Variants in SLC43A2 observed in about 807,000 individuals in gnomAD.
SLC43A2 encodes the protein large neutral amino acids transporter small subunit 4.
In SLC43A2, 38 loss-of-function variants were observed where a neutral mutation model predicts 63.2. That is an observed-to-expected ratio of 0.60 (90% confidence interval 0.46 to 0.79). The LOEUF (loss-of-function observed/expected upper bound fraction) is 0.79. SLC43A2 is among the 30% of genes least tolerant of loss of function. The pLI is 0.00. For missense variants in SLC43A2, 644 were observed against 756.2 expected (o/e 0.85, Z 1.74); for synonymous variants, 322 against 331.0 (o/e 0.97, Z 0.30).
Position 1,605,378 on chromosome 17 carries a change from A to T in SLC43A2, c.501+7817T>A. The T allele has an allele frequency of 6.4e-6, 2 of 311,046 alleles. No individual in the cohort carries two copies. Among genetic ancestry groups the T allele is most frequent in the Non-Finnish European group, 9.6e-6 (2 of 208,638 alleles). 19.3% of individuals were successfully genotyped at this position (311,046 alleles called of 1,614,324 possible). ...ACCGGACAGGAGTGCCTGCAGGGCCAAGGCCCTGGGACAGTGCGGGCGCGG... is the reference window on the plus strand; with the variant it reads ...ACCGGACAGGAGTGCCTGCAGGGCCTAGGCCCTGGGACAGTGCGGGCGCGG... On this transcript the variant is annotated intron_variant, in intron 5 of 13. Transcript: ENST00000301335. The surrounding 1 kb of genome is among the most constrained non-coding windows in gnomAD (Gnocchi z 4.9).
intron 4 of SLC43A2, among the ~76,000 whole-genome samples, chr17:1,614,200 G>A (rs924947508): frequency 2.6e-5 from 4 of 152,058 alleles, no homozygotes; most frequent in South Asian, 4.1e-4. Context: ...CTGAGATTGC[G>A]CCATTGCACT....
chr17:1,603,648 G>A (rs1253933523), intron 5 of SLC43A2, among the ~76,000 whole-genome samples: 1 of 152,064 alleles, frequency 6.6e-6, no homozygotes, highest in African/African-American at 2.4e-5. Flanking sequence ...AGCCAGGCGT[G>A]GTGGCGTGCA....
At chr17:1,584,958 T>C (rs527387110) in intron 10 of SLC43A2, among the ~76,000 whole-genome samples, 52 of 152,344 alleles carry the variant, frequency 3.4e-4, no homozygotes, top group African/African-American at 1.1e-3. Flanking sequence ...ACACATAATA[T>C]GTTTATAGCA....
At chr17:1,597,159 G>A (rs1292092727) in intron 5 of SLC43A2, among the ~76,000 whole-genome samples, 3 of 151,454 alleles carry the variant, frequency 2.0e-5, no homozygotes, top group African/African-American at 7.3e-5. Flanking sequence ...GTTGCAGTGA[G>A]CCGAGATCGT....
intron 5 of SLC43A2, among the ~76,000 whole-genome samples, chr17:1,594,296 G>A (rs563696655): frequency 2.6e-5 from 4 of 152,252 alleles, no homozygotes; most frequent in African/African-American, 4.8e-5. Flanking sequence ...GCAAGAGGGG[G>A]CCCACCTGAA....
intron 9 of SLC43A2, 142 bp downstream of exon 9, chr17:1,590,660 C>A: frequency 1.8e-6 from 2 of 1,093,518 alleles, no homozygotes; most frequent in Non-Finnish European, 2.6e-6. Flanking sequence ...GATGCAATAG[C>A]TCTGACGGGC....
intron 9 of SLC43A2, among the ~76,000 whole-genome samples, chr17:1,588,300 C>G (rs1226548649): frequency 6.6e-6 from 1 of 151,982 alleles, no homozygotes; most frequent in Non-Finnish European, 1.5e-5. Flanking sequence ...GCAGAACAAT[C>G]GCTTGAACCC....
intron 5 of SLC43A2, among the ~76,000 whole-genome samples, chr17:1,601,906 CCTT>C (rs1369419058): frequency 6.9e-6 from 1 of 144,832 alleles, no homozygotes; most frequent in African/African-American, 2.6e-5. Flanking sequence ...GAGCCAGAGT[CCTT>C]CTGCACCGAG....
chr17:1,590,261 T>C (rs1427851558), intron 9 of SLC43A2, among the ~76,000 whole-genome samples: 1 of 151,716 alleles, frequency 6.6e-6, no homozygotes, highest in Non-Finnish European at 1.5e-5. Context: ...TTATCAGCTG[T>C]GTTTGTTGGA....
At position 1,570,007 on chromosome 17, in the gene SLC43A2, C is replaced by T. The variant is rs2075822647; in HGVS notation, c.*5597G>A. The T allele has an allele frequency of 6.6e-6, 1 of 151,098 alleles. No homozygotes were observed. The highest frequency in any genetic ancestry group is 2.1e-4 in the South Asian group (1 of 4,782). 9.4% of individuals were successfully genotyped at this position (151,098 alleles called of 1,614,324 possible). ...GGTTCATGCCATTCTCCTGCCTCAG[C>T]CTCCCAAGTAGCTGGGACTACAGGT... On this transcript the variant is annotated 3_prime_UTR_variant, in exon 14 of 14. Transcript: ENST00000301335.
At position 1,575,146 on chromosome 17, in the gene SLC43A2, A is replaced by C; in HGVS notation, c.*458T>G. On this transcript the variant is annotated 3_prime_UTR_variant, in exon 14 of 14. Coordinates refer to ENST00000301335, the MANE Select transcript of SLC43A2 (RefSeq NM_152346.3). ...TCAGGCAGCCTCAGGCTGGCCGGGG[A>C]GGGGGTGGGGGCCAGGCGCGGGCGA... 1 of 177,574 alleles carries C rather than the reference A, an allele frequency of 5.6e-6. No homozygotes were observed. The highest frequency in any genetic ancestry group is 1.0e-4 in the South Asian group (1 of 10,032). The allele number at this position is 177,574 out of a possible 1,614,324, so 11.0% of individuals were successfully genotyped here. A position where few individuals can be genotyped will look rare whatever the true frequency, so the allele number is the denominator to read the frequency against.
Position 1,575,346 on chromosome 17 carries a change from ACCCCAGGC to A in SLC43A2, c.*250_*257del. On this transcript the variant is annotated 3_prime_UTR_variant, in exon 14 of 14. Coordinates refer to ENST00000301335, the MANE Select transcript of SLC43A2 (RefSeq NM_152346.3). ...GGCTCCTGCTGCAGGCACCACAGAG[ACCCCAGGC>A]CCCGGGTCCCCGGGGGGCGGCAGAG... The A allele has an allele frequency of 1.9e-6, 1 of 540,508 alleles. No homozygotes were observed. Among genetic ancestry groups the A allele is most frequent in the Non-Finnish European group, 3.3e-6 (1 of 304,754 alleles). 33.5% of individuals were successfully genotyped at this position (540,508 alleles called of 1,614,324 possible).
intron 5 of SLC43A2, chr17:1,604,600 C>T: frequency 1.2e-6 from 1 of 831,824 alleles, no homozygotes; most frequent in East Asian, 2.7e-5. Context: ...TGCAGAACTC[C>T]TGGGCTCAAC....
chr17:1,616,758 T>C lies in SLC43A2; in HGVS notation c.172A>G (p.Asn58Asp). ...TCTGCTGTGCCGCCCACTGTGCCAT[T>C]GGTGACATTCTCTGTGTGAAGAGGG... The part of the protein sequence containing the change: ...YLCTEPENVT[N>D]GTVGGTAEPG... Residue 58 changes from asparagine (N) to aspartate (D), a missense_variant, in exon 3 of 14, where the codon AAT (asparagine) becomes GAT (aspartate). This residue lies in a region of SLC43A2 where 528 missense variants were observed against 623.6 expected (regional missense o/e 0.85). Coordinates refer to ENST00000301335, the MANE Select transcript of SLC43A2 (RefSeq NM_152346.3). 2 of 1,613,880 alleles carry C rather than the reference T, an allele frequency of 1.2e-6. No homozygotes were observed. Among genetic ancestry groups the C allele is most frequent in the Non-Finnish European group, 1.7e-6 (2 of 1,180,014 alleles).
chr17:1,600,154 T>TATATATA (rs1567630909), intron 5 of SLC43A2, among the ~76,000 whole-genome samples: 919 of 28,604 alleles, frequency 0.032, 8 homozygotes, highest in African/African-American at 0.078. Context: ...ATATATATAT[T>TATATATA]TTTTTTTTTT....
At chr17:1,589,114 C>T (rs892727055) in intron 9 of SLC43A2, among the ~76,000 whole-genome samples, 3 of 152,258 alleles carry the variant, frequency 2.0e-5, no homozygotes, top group Admixed American at 2.0e-4. Context: ...GACCAACCTT[C>T]CTGGCCTGGC....
At chr17:1,595,625 T>A (rs1905224236) in intron 5 of SLC43A2, among the ~76,000 whole-genome samples, 1 of 152,052 alleles carries the variant, frequency 6.6e-6, no homozygotes, top group Admixed American at 6.6e-5. Flanking sequence ...TTTGTATTGT[T>A]AGTAGAGATA....
Position 1,575,502 on chromosome 17 carries a change from G to T in SLC43A2, c.*102C>A. ...GAGGGAGCGTGAACGCTGGCACGGA[G>T]ACGGCGAAGGTCCTGGGGGTGCGTG... On this transcript the variant is annotated 3_prime_UTR_variant, in exon 14 of 14. Transcript: ENST00000301335. 6.8e-7 allele frequency: 1 copy of T among 1,475,506 alleles called. No homozygotes were observed. Among genetic ancestry groups the T allele is most frequent in the Non-Finnish European group, 9.4e-7 (1 of 1,060,702 alleles). The allele number at this position is 1,475,506 out of a possible 1,614,324, so 91.4% of individuals were successfully genotyped here. A position where few individuals can be genotyped will look rare whatever the true frequency, so the allele number is the denominator to read the frequency against.
chr17:1,622,755 A>G (rs1567650428), intron 2 of SLC43A2, among the ~76,000 whole-genome samples: 1 of 151,712 alleles, frequency 6.6e-6, no homozygotes, highest in Non-Finnish European at 1.5e-5. Flanking sequence ...CTCTACTAAA[A>G]ATACAAAAAT....
Sources: allele counts gnomAD v4.1 joint callset (sites outside exome capture counted in the v4.1 genomes callset), GRCh38; gene constraint gnomAD v4.1.1; regional missense constraint gnomAD v4.1.1; non-coding constraint Gnocchi (gnomAD v3.1); transcripts MANE v1.5; gene names NCBI Gene and HGNC (gene_info 2026-07-23, HGNC 2026-07-21).